Variants in SLC10A7 observed in about 807,000 individuals in gnomAD.
SLC10A7 encodes the protein solute carrier family 10 member 7.
A neutral mutation model predicts 43.2 loss-of-function variants in SLC10A7; 29 were observed. That is an observed-to-expected ratio of 0.67 (90% CI 0.50 to 0.92). The LOEUF (loss-of-function observed/expected upper bound fraction) is 0.92. Among genes scored for constraint, SLC10A7 ranks in the 40% least tolerant of loss-of-function variants. The pLI is 0.00. For missense variants in SLC10A7, 295 were observed against 403.2 expected (o/e 0.73, Z 2.30); for synonymous variants, 152 against 144.8 (o/e 1.05, Z -0.35).
intron 4 of SLC10A7, among the ~76,000 whole-genome samples, chr4:146,463,321 G>A (rs570359588): frequency 1.1e-4 from 16 of 152,106 alleles, no homozygotes; most frequent in Non-Finnish European, 2.4e-4. Context: ...AACGAATATT[G>A]CATATGATTA....
chr4:146,370,017 G>T (rs987638221), intron 5 of SLC10A7, among the ~76,000 whole-genome samples: 3 of 151,980 alleles, frequency 2.0e-5, no homozygotes, highest in Non-Finnish European at 4.4e-5. Flanking sequence ...ATAAATATAT[G>T]TCAGAATAAA....
chr4:146,356,658 A>G (rs1049837237), intron 5 of SLC10A7, among the ~76,000 whole-genome samples: 1 of 138,674 alleles, frequency 7.2e-6, no homozygotes, highest in Non-Finnish European at 1.5e-5. Context: ...ACACCACTTG[A>G]TATTATACTT....
chr4:146,290,932 G>A (rs965790731), intron 9 of SLC10A7, among the ~76,000 whole-genome samples: 5 of 152,086 alleles, frequency 3.3e-5, no homozygotes, highest in Non-Finnish European at 7.4e-5. Context: ...TGCAGAATAA[G>A]CAAGAAAAGA....
At chr4:146,353,375 T>G (rs1410497990) in intron 5 of SLC10A7, among the ~76,000 whole-genome samples, 2 of 136,678 alleles carry the variant, frequency 1.5e-5, no homozygotes, top group African/African-American at 5.7e-5. Context: ...TAACAGGCTC[T>G]GAAATTGTGG....
chr4:146,519,415 G>T (rs1047061821), intron 1 of SLC10A7, among the ~76,000 whole-genome samples: 4 of 150,094 alleles, frequency 2.7e-5, no homozygotes, highest in African/African-American at 4.9e-5. Context: ...AAGAAACAAA[G>T]ATTTCCTCAA....
chr4:146,290,140 T>A (rs538901049), intron 9 of SLC10A7, among the ~76,000 whole-genome samples: 2 of 150,532 alleles, frequency 1.3e-5, no homozygotes, highest in African/African-American at 4.9e-5. Flanking sequence ...CTGGCTAACA[T>A]GCTGAAACCC....
At position 146,418,578 on chromosome 4, in the gene SLC10A7, T is replaced by A. The variant is rs1728736850; in HGVS notation, c.435+24205A>T. ...ATTTTTTTTAAAAAAGAATTAAAGT[T>A]TTTTATGATCGTTTTTAATTTAATT... is the stretch of plus-strand genomic sequence containing the variant. On this transcript the variant is annotated intron_variant, in intron 5 of 11. Transcript: ENST00000335472. 2.0e-5 allele frequency among the ~76,000 whole-genome samples: 3 copies of A among 152,272 alleles called. No individual in the cohort carries two copies. In the South Asian group the frequency reaches 6.2e-4, roughly 32 times the overall value.
chr4:146,350,714 T>G (rs7439830), intron 5 of SLC10A7, among the ~76,000 whole-genome samples: 27,578 of 53,878 alleles, frequency 0.51, 9,845 homozygotes, highest in East Asian at 0.8. Flanking sequence ...CCTCAAGTGG[T>G]TCCCTGACCC....
intron 4 of SLC10A7, among the ~76,000 whole-genome samples, chr4:146,472,392 A>T (rs900302597): frequency 6.6e-6 from 1 of 151,612 alleles, no homozygotes; most frequent in Non-Finnish European, 1.5e-5. Flanking sequence ...AAATCTTCCT[A>T]CAGATTTCCT....
intron 5 of SLC10A7, among the ~76,000 whole-genome samples, chr4:146,344,268 T>A (rs868475573): frequency 1.3e-5 from 2 of 152,058 alleles, no homozygotes; most frequent in Admixed American, 6.6e-5. Context: ...TGCAAAAATA[T>A]CACGTTTCAA....
At chr4:146,288,999 G>T (rs936220096) in intron 9 of SLC10A7, among the ~76,000 whole-genome samples, 1 of 152,162 alleles carries the variant, frequency 6.6e-6, no homozygotes, top group Non-Finnish European at 1.5e-5. Flanking sequence ...TAGAATCACA[G>T]AATGTAGAAC....
At chr4:146,319,130 T>G (rs934758054) in intron 6 of SLC10A7, among the ~76,000 whole-genome samples, 1 of 152,062 alleles carries the variant, frequency 6.6e-6, no homozygotes, top group Admixed American at 6.6e-5. Flanking sequence ...TCTCTCAAAT[T>G]AAAATTCCAA....
In SLC10A7 at chr4:146,293,012, A is replaced by C. The variant is rs1730545568; in HGVS notation, c.722-32T>G. On this transcript the variant is annotated intron_variant, in intron 8 of 11. Coordinates refer to ENST00000335472, the MANE Select transcript of SLC10A7 (RefSeq NM_001029998.6). ...AAAAAAAGATTGAATCTAAATTAGC[A>C]CTCTAAAAGCAGTATTTGTAGCATA... 5 of 1,403,666 alleles carry C rather than the reference A, an allele frequency of 3.6e-6. No individual in the cohort carries two copies. In the East Asian group the frequency reaches 1.2e-4, roughly 33 times the overall value. The allele number at this position is 1,403,666 out of a possible 1,614,324, so 87.0% of individuals were successfully genotyped here.
At chr4:146,515,827 T>C (rs570300300) in intron 2 of SLC10A7, among the ~76,000 whole-genome samples, 3 of 149,264 alleles carry the variant, frequency 2.0e-5, no homozygotes, top group African/African-American at 7.5e-5. Context: ...GGAGAATCAC[T>C]TGAACCCGGG....
At chr4:146,341,345 TTTA>T (rs1340971319) in intron 5 of SLC10A7, among the ~76,000 whole-genome samples, 2 of 151,754 alleles carry the variant, frequency 1.3e-5, no homozygotes, top group East Asian at 3.9e-4. Flanking sequence ...CATAAAATAT[TTTA>T]TTAAGAATAG....
intron 5 of SLC10A7, among the ~76,000 whole-genome samples, chr4:146,337,040 A>G (rs979915753): frequency 2.6e-5 from 4 of 152,040 alleles, no homozygotes; most frequent in African/African-American, 7.2e-5. Flanking sequence ...AGTGACAAAA[A>G]CAATTTGAAA....
At chr4:146,328,637 A>ACTGGAC (rs1733323306) in intron 5 of SLC10A7, among the ~76,000 whole-genome samples, 2 of 152,118 alleles carry the variant, frequency 1.3e-5, no homozygotes, top group African/African-American at 4.8e-5. Flanking sequence ...GGGTCCATGG[A>ACTGGAC]CTGGACTGTC....
intron 10 of SLC10A7, among the ~76,000 whole-genome samples, chr4:146,265,206 T>C (rs1338273067): frequency 6.6e-6 from 1 of 152,236 alleles, no homozygotes; most frequent in Non-Finnish European, 1.5e-5. Context: ...ATGAGGAAAC[T>C]GAGGTTTAGA....
Position 146,324,551 on chromosome 4 carries a change from GCAGC to G in SLC10A7, c.471+1406_471+1409del, listed in dbSNP as rs1421758093. Among the ~76,000 whole-genome samples, 5 of 151,918 alleles carry G rather than the reference GCAGC, an allele frequency of 3.3e-5. No homozygotes were observed. In the East Asian group the frequency reaches 9.6e-4, roughly 29 times the overall value. ...CCATAATGAAGAAAACCCAGGTGATGCAGCCATTCATTGTGCACTTACCAGATGC... is the reference window on the plus strand; with the variant it reads ...CCATAATGAAGAAAACCCAGGTGATGCATTCATTGTGCACTTACCAGATGC... On this transcript the variant is annotated intron_variant, in intron 6 of 11. Transcript: ENST00000335472.
Sources: allele counts gnomAD v4.1 joint callset (sites outside exome capture counted in the v4.1 genomes callset), GRCh38; gene constraint gnomAD v4.1.1; transcripts MANE v1.5; gene names NCBI Gene and HGNC (gene_info 2026-07-23, HGNC 2026-07-21).